The following SLC6A19 variants were observed in gnomAD, a reference collection of about 807,000 sequenced individuals.
The protein encoded by SLC6A19 is solute carrier family 6 member 19.
Under a neutral mutation model 68.3 loss-of-function variants are expected in SLC6A19, and 67 were observed. That is an observed-to-expected ratio of 0.98 (90% CI 0.81 to 1.20). The LOEUF is 1.20. Among genes scored for constraint, SLC6A19 ranks in the 50% most tolerant of loss-of-function variants. The pLI is 0.00. For synonymous variants in SLC6A19, 392 were observed against 374.9 expected (o/e 1.05, Z -0.53); for missense variants, 813 against 851.6 (o/e 0.95, Z 0.56).
Position 1,212,274 on chromosome 5 carries a change from C to T in SLC6A19, c.482-29C>T. On this transcript the variant is annotated intron_variant, in intron 3 of 11. Coordinates refer to ENST00000304460, the MANE Select transcript of SLC6A19 (RefSeq NM_001003841.3). The surrounding 1 kb of genome is among the most constrained non-coding windows in gnomAD (Gnocchi z 5.1). ...TCTCCTCCCTTGGGGGACCCGTACCCTGAGGTGTGTGAATGGCCCTCTCCC... is the reference window on the plus strand; with the variant it reads ...TCTCCTCCCTTGGGGGACCCGTACCTTGAGGTGTGTGAATGGCCCTCTCCC... 1 of 1,612,152 alleles carries T rather than the reference C, an allele frequency of 6.2e-7. No homozygotes were observed. The highest frequency in any genetic ancestry group is 8.5e-7 in the Non-Finnish European group (1 of 1,179,866).
intron 1 of SLC6A19, among the ~76,000 whole-genome samples, chr5:1,205,120 G>A (rs1000153569): frequency 6.6e-6 from 1 of 152,132 alleles, no homozygotes; most frequent in Non-Finnish European, 1.5e-5. Context: ...CATCTGCAGC[G>A]CCGCAGAGAG....
intron 5 of SLC6A19, 89 bp downstream of exon 5, chr5:1,213,662 A>G (rs1003426204): frequency 1.2e-5 from 15 of 1,292,086 alleles, no homozygotes; most frequent in Non-Finnish European, 1.6e-5. Context: ...GCTCTCACCC[A>G]CGGGGACAGG....
chr5:1,210,301 C>A, intron 2 of SLC6A19, 143 bp from the exon 3 acceptor site: 1 of 1,186,228 alleles, frequency 8.4e-7, no homozygotes, highest in Non-Finnish European at 1.2e-6. Context: ...TCCCGGCCTG[C>A]ACTGGGTCGG....
rs1225839492 is a variant in SLC6A19, at chr5:1,215,532, T to C, written c.888-1026T>C. Among the ~76,000 whole-genome samples, 1 of 152,250 alleles carries C rather than the reference T, an allele frequency of 6.6e-6. No homozygotes were observed. The highest frequency in any genetic ancestry group is 1.5e-5 in the Non-Finnish European group (1 of 68,040). The stretch of plus-strand genomic sequence containing the variant: ...CACAGCCCTGTGTCTGATCCTTGCA[T>C]GGGGCACAACATCCTCAAGGCTCAT... On this transcript the variant is annotated intron_variant, in intron 6 of 11. Transcript: ENST00000304460. This position sits in a 1 kb window ranked among gnomAD's most constrained non-coding sequence, Gnocchi z 5.1.
At position 1,222,676 on chromosome 5, in the gene SLC6A19, TGGACAC is replaced by T; in HGVS notation, c.*774_*779del. 1 of 198,082 alleles carries T rather than the reference TGGACAC, an allele frequency of 5.0e-6. No individual in the cohort carries two copies. Among genetic ancestry groups the T allele is most frequent in the African/African-American group, 2.3e-5 (1 of 43,098 alleles). 12.3% of individuals were successfully genotyped at this position (198,082 alleles called of 1,614,324 possible). On this transcript the variant is annotated 3_prime_UTR_variant, in exon 12 of 12. Transcript: ENST00000304460. ...ATGTATGTGCGCATATGGACACGCATGGACACGCATATGGACACATATGGACACACA... is the reference window on the plus strand; with the variant it reads ...ATGTATGTGCGCATATGGACACGCATGCATATGGACACATATGGACACACA...
At position 1,222,138 on chromosome 5, in the gene SLC6A19, T is replaced by G; in HGVS notation, c.*234T>G. The G allele has an allele frequency of 1.7e-6, 1 of 605,086 alleles. No homozygotes were observed. Among genetic ancestry groups the G allele is most frequent in the Non-Finnish European group, 2.9e-6 (1 of 340,076 alleles). The allele number at this position is 605,086 out of a possible 1,614,324, so 37.5% of individuals were successfully genotyped here. On this transcript the variant is annotated 3_prime_UTR_variant, in exon 12 of 12. Coordinates refer to ENST00000304460, the MANE Select transcript of SLC6A19 (RefSeq NM_001003841.3). ...GTGTATGCACACATATACATGTGTG[T>G]GGGTGTGTGTATTGTATGTGCATGT...
chr5:1,221,613 TGA>T (rs1372700827), intron 11 of SLC6A19, 86 bp from the exon 12 acceptor site: 1 of 1,520,664 alleles, frequency 6.6e-7, no homozygotes, highest in Non-Finnish European at 9.1e-7. Flanking sequence ...GGACAGGAGG[TGA>T]GAGTCATGGG....
At position 1,213,973 on chromosome 5, in the gene SLC6A19, G is replaced by A. The variant is rs201084108; in HGVS notation, c.795G>A (p.Pro265=). 36 of 1,613,328 alleles carry A rather than the reference G, an allele frequency of 2.2e-5. No individual in the cohort carries two copies. Among genetic ancestry groups the A allele is most frequent in the Middle Eastern group, 1.6e-4 (1 of 6,084 alleles). ...FTPNVTELAQ[P]DTWLDAGAQV... is the part of the protein sequence containing the mutation. ...CGCAGGTCACGGAGCTGGCCCAGCC[G>A]GACACCTGGCTGGACGCGGGCGCAC... Residue 265 remains proline, a synonymous_variant, in exon 6 of 12, where the codon CCG becomes CCA. Transcript: ENST00000304460.
At chr5:1,213,685 C>A in intron 5 of SLC6A19, 112 bp downstream of exon 5, 1 of 1,173,722 alleles carries the variant, frequency 8.5e-7, no homozygotes, top group South Asian at 1.3e-5. Flanking sequence ...GCCTGCTGCT[C>A]GACCAGTCCC....
intron 8 of SLC6A19, 108 bp from the exon 9 acceptor site, chr5:1,218,795 C>G (rs1746275818): frequency 2.6e-6 from 3 of 1,159,372 alleles, no homozygotes. Flanking sequence ...ACAGCTCAGA[C>G]CTGCCCGCCC....
rs141397002 is a variant in SLC6A19 at position 1,204,220 on chromosome 5, G to A, written c.202+2368G>A. On this transcript the variant is annotated intron_variant, in intron 1 of 11. Coordinates refer to ENST00000304460, the MANE Select transcript of SLC6A19 (RefSeq NM_001003841.3). ...TCCTTCGAGGTTAAAAACCATTTACGCGTGCCTCCGAGTCTCCTGTGTCTT... is the reference window on the plus strand; with the variant it reads ...TCCTTCGAGGTTAAAAACCATTTACACGTGCCTCCGAGTCTCCTGTGTCTT... Among the ~76,000 whole-genome samples, 14 of 152,290 alleles carry A rather than the reference G, an allele frequency of 9.2e-5. No homozygotes were observed. In the East Asian group the frequency reaches 1.7e-3, roughly 19 times the overall value.
At chr5:1,208,912 C>CG in intron 2 of SLC6A19, 26 bp downstream of exon 2, 1 of 1,598,366 alleles carries the variant, frequency 6.3e-7, no homozygotes, top group South Asian at 1.1e-5. Context: ...CAGTTCCACC[C>CG]GGGCCCAGGG....
chr5:1,203,126 GCTCACATCCC>G (rs66648362), intron 1 of SLC6A19, among the ~76,000 whole-genome samples: 66,154 of 151,754 alleles, frequency 0.44, 14,670 homozygotes, highest in African/African-American at 0.47. Context: ...TGAGTCACAG[GCTCACATCCC>G]CACTGGGGAT....
At chr5:1,218,804 C>T in intron 8 of SLC6A19, 99 bp from the exon 9 acceptor site, 1 of 1,259,076 alleles carries the variant, frequency 7.9e-7, no homozygotes, top group Non-Finnish European at 1.1e-6. Flanking sequence ...ACCTGCCCGC[C>T]CCATGCTGCG....
chr5:1,217,039 GCAGATGCTGAGCTTCAGCCGGGAGGCC>G, intron 8 of SLC6A19, 94 bp downstream of exon 8: 1 of 1,585,410 alleles, frequency 6.3e-7, no homozygotes, highest in Non-Finnish European at 8.6e-7. Context: ...TGTGGAGGAC[GCAGATGCTGAGCTTCAGCCGGGAGGCC>G]CAGCTCCCAC....
intron 1 of SLC6A19, among the ~76,000 whole-genome samples, chr5:1,207,720 A>T (rs1745896378): frequency 6.6e-6 from 1 of 152,124 alleles, no homozygotes; most frequent in South Asian, 2.1e-4. Context: ...GAAACACTAA[A>T]CGTGGCCCTC....
chr5:1,202,347 T>C (rs1334574144), intron 1 of SLC6A19, among the ~76,000 whole-genome samples: 1 of 152,164 alleles, frequency 6.6e-6, no homozygotes, highest in Non-Finnish European at 1.5e-5. Flanking sequence ...GCCTGGCTCT[T>C]GAGCCAGGTG....
At chr5:1,208,571 G>A (rs767221490) in intron 1 of SLC6A19, among the ~76,000 whole-genome samples, 175 bp from the exon 2 acceptor site, 9 of 152,208 alleles carry the variant, frequency 5.9e-5, no homozygotes, top group African/African-American at 1.4e-4. Flanking sequence ...CTTCTAGAAC[G>A]TGGAGTCAGC....
Position 1,212,274 on chromosome 5 carries a change from C to G in SLC6A19, c.482-29C>G. 1 of 1,612,152 alleles carries G rather than the reference C, an allele frequency of 6.2e-7. No individual in the cohort carries two copies. Among genetic ancestry groups the G allele is most frequent in the Non-Finnish European group, 8.5e-7 (1 of 1,179,866 alleles). ...TCTCCTCCCTTGGGGGACCCGTACC[C>G]TGAGGTGTGTGAATGGCCCTCTCCC... On this transcript the variant is annotated intron_variant, in intron 3 of 11. Transcript: ENST00000304460. The surrounding 1 kb of genome is among the most constrained non-coding windows in gnomAD (Gnocchi z 5.1).
Sources: allele counts gnomAD v4.1 joint callset (sites outside exome capture counted in the v4.1 genomes callset), GRCh38; gene constraint gnomAD v4.1.1; non-coding constraint Gnocchi (gnomAD v3.1); transcripts MANE v1.5; gene names NCBI Gene and HGNC (gene_info 2026-07-23, HGNC 2026-07-21).